PDE4B: variants seen among roughly 807,000 people sequenced by gnomAD.
The protein encoded by PDE4B is 3',5'-cyclic-AMP phosphodiesterase 4B.
Under a neutral mutation model 82.2 loss-of-function variants are expected in PDE4B, and 20 were observed. The ratio of observed to expected loss-of-function variants is 0.24; its 90% CI spans 0.17 to 0.35. The LOEUF (loss-of-function observed/expected upper bound fraction) is 0.35. Among genes scored for constraint, PDE4B ranks in the 10% least tolerant of loss-of-function variants. The pLI, the probability that PDE4B is intolerant of heterozygous loss-of-function variation, is 1.00. For synonymous variants in PDE4B, 320 were observed against 318.9 expected (o/e 1.00, Z -0.04); for missense variants, 655 against 907.2 (o/e 0.72, Z 3.57).
intron 1 of PDE4B, among the ~76,000 whole-genome samples, chr1:65,868,489 G>C (rs1197900816): frequency 6.6e-6 from 1 of 152,164 alleles, no homozygotes; most frequent in African/African-American, 2.4e-5. Flanking sequence ...TATTTCCACT[G>C]TTCCTCCTTC....
rs549101355 is a variant in PDE4B, at chr1:66,058,717, C to T, written c.281+139882C>T. ...AGTCATGGCTGGAGAGGCTGGGATGCGGGAACCAAGCCTAGGCTGCACACA... is the reference window on the plus strand; with the variant it reads ...AGTCATGGCTGGAGAGGCTGGGATGTGGGAACCAAGCCTAGGCTGCACACA... On this transcript the variant is annotated intron_variant, in intron 3 of 16. Transcript: ENST00000341517. 1.8e-4 allele frequency among the ~76,000 whole-genome samples: 27 copies of T among 152,268 alleles called. No individual in the cohort carries two copies. The South Asian group carries it at 4.1e-3, about 23-fold the overall frequency.
intron 3 of PDE4B, among the ~76,000 whole-genome samples, chr1:65,979,501 G>A (rs1454151456): frequency 6.6e-6 from 1 of 152,216 alleles, no homozygotes; most frequent in Non-Finnish European, 1.5e-5. Flanking sequence ...CTTATGGAAG[G>A]TCAGGCGTTC....
chr1:66,087,925 G>A (rs1393931136), intron 3 of PDE4B, among the ~76,000 whole-genome samples: 7 of 150,726 alleles, frequency 4.6e-5, no homozygotes, highest in African/African-American at 7.3e-5. Context: ...GCTAGATGAC[G>A]AGTTAGTGGG....
At chr1:66,335,804 C>T (rs1410213735) in intron 8 of PDE4B, among the ~76,000 whole-genome samples, 2 of 152,172 alleles carry the variant, frequency 1.3e-5, no homozygotes, top group Non-Finnish European at 2.9e-5. Flanking sequence ...GCCAGCTGCC[C>T]AAATTCGATT....
intron 3 of PDE4B, among the ~76,000 whole-genome samples, chr1:65,928,541 T>C (rs1016187086): frequency 2.0e-5 from 3 of 152,144 alleles, no homozygotes; most frequent in Non-Finnish European, 4.4e-5. Context: ...TTACTCCCAT[T>C]GTATTTAAAT....
chr1:66,172,695 T>A (rs1646860109), intron 3 of PDE4B, among the ~76,000 whole-genome samples: 1 of 152,240 alleles, frequency 6.6e-6, no homozygotes, highest in Admixed American at 6.5e-5. Context: ...ATTTTTCTGA[T>A]GATTAGTGAT....
At chr1:66,210,614 A>AG (rs1649959604) in intron 3 of PDE4B, among the ~76,000 whole-genome samples, 4 of 148,950 alleles carry the variant, frequency 2.7e-5, no homozygotes, top group African/African-American at 4.9e-5. Context: ...AAAAAAAAAA[A>AG]AAAAAGAAAA....
chr1:66,171,459 C>A (rs1391995676), intron 3 of PDE4B, among the ~76,000 whole-genome samples: 1 of 151,994 alleles, frequency 6.6e-6, no homozygotes, highest in Admixed American at 6.6e-5. Flanking sequence ...TGATATATAA[C>A]TAATGTCATT....
intron 1 of PDE4B, among the ~76,000 whole-genome samples, chr1:65,797,351 A>C: frequency 6.6e-6 from 1 of 152,112 alleles, no homozygotes; most frequent in Admixed American, 6.5e-5. Context: ...TTCTCATTCA[A>C]GTTGTGGTCA....
At chr1:66,179,769 T>C (rs1647021168) in intron 3 of PDE4B, among the ~76,000 whole-genome samples, 1 of 152,228 alleles carries the variant, frequency 6.6e-6, no homozygotes, top group African/African-American at 2.4e-5. Context: ...TGGTAGATTG[T>C]ACACTTCTTA....
chr1:65,911,341 C>G (rs1647088531), intron 1 of PDE4B, among the ~76,000 whole-genome samples: 1 of 152,110 alleles, frequency 6.6e-6, no homozygotes, highest in Non-Finnish European at 1.5e-5. Context: ...CTTAGAAAAC[C>G]TTCTATAACC....
intron 3 of PDE4B, among the ~76,000 whole-genome samples, chr1:66,231,241 G>A (rs1218238963): frequency 6.6e-6 from 1 of 152,092 alleles, no homozygotes; most frequent in Non-Finnish European, 1.5e-5. Flanking sequence ...TAAGGTACTG[G>A]TTTTTATTTG....
chr1:66,323,276 C>T (rs1659532906), intron 7 of PDE4B, among the ~76,000 whole-genome samples: 1 of 152,106 alleles, frequency 6.6e-6, no homozygotes, highest in African/African-American at 2.4e-5. Context: ...CTTTCCTCTC[C>T]CTTGACACTT....
intron 3 of PDE4B, among the ~76,000 whole-genome samples, chr1:66,161,041 G>A (rs1646602369): frequency 9.4e-6 from 1 of 106,636 alleles, no homozygotes; most frequent in African/African-American, 3.4e-5. Flanking sequence ...CAGTCTTCTG[G>A]AAGATGAAAG....
chr1:65,938,860 A>G (rs1370549856), intron 3 of PDE4B, among the ~76,000 whole-genome samples: 1 of 152,178 alleles, frequency 6.6e-6, no homozygotes, highest in Admixed American at 6.5e-5. Flanking sequence ...TTTTATCCTG[A>G]GGGCATTGGT....
At chr1:66,138,041 T>G (rs1386120009) in intron 3 of PDE4B, among the ~76,000 whole-genome samples, 1 of 152,210 alleles carries the variant, frequency 6.6e-6, no homozygotes, top group Non-Finnish European at 1.5e-5. Context: ...TGATGTTAGC[T>G]GACTTAAACA....
At chr1:65,905,206 A>G (rs970809380) in intron 1 of PDE4B, among the ~76,000 whole-genome samples, 30 of 152,350 alleles carry the variant, frequency 2.0e-4, no homozygotes, top group Middle Eastern at 3.4e-3. Flanking sequence ...TACTGTGAAT[A>G]GAAAAATAAT....
At chr1:66,036,722 T>C (rs1557515154) in intron 3 of PDE4B, among the ~76,000 whole-genome samples, 1 of 152,216 alleles carries the variant, frequency 6.6e-6, no homozygotes, top group African/African-American at 2.4e-5. Flanking sequence ...CTGTTTTGAT[T>C]ACTGTGGCTT....
chr1:66,089,267 G>T (rs189705886), intron 3 of PDE4B, among the ~76,000 whole-genome samples: 1 of 152,078 alleles, frequency 6.6e-6, no homozygotes, highest in Non-Finnish European at 1.5e-5. Context: ...ATAGCCATCC[G>T]CTACGTAGCC....
Sources: gnomAD v4.1 joint callset for allele counts (sites outside exome capture counted in the v4.1 genomes callset) on GRCh38, gnomAD v4.1.1 for gene constraint, MANE v1.5 for transcripts, NCBI Gene and HGNC (gene_info 2026-07-23, HGNC 2026-07-21) for gene names.